The following FYCO1 variants were observed in gnomAD, a reference collection of about 807,000 sequenced individuals.
FYCO1 encodes FYVE and coiled-coil domain autophagy adaptor 1.
FYCO1 carries 122 observed loss-of-function variants against 165.1 expected under a neutral mutation model. The observed-to-expected ratio is 0.74, with a 90% confidence interval of 0.64 to 0.86. The LOEUF (loss-of-function observed/expected upper bound fraction) is 0.86. FYCO1 is among the 40% of genes least tolerant of loss of function. FYCO1 has a pLI of 0.00. For synonymous variants in FYCO1, 648 were observed against 742.5 expected, an observed-to-expected ratio of 0.87 and a Z score of 2.07; for missense variants, 1,702 against 1,810.3, an observed-to-expected ratio of 0.94 and a Z score of 1.09.
At chr3:45,968,946 TC>T (rs1057440594) in intron 7 of FYCO1, among the ~76,000 whole-genome samples, 2 of 152,240 alleles carry the variant, frequency 1.3e-5, no homozygotes, top group African/African-American at 4.8e-5. Flanking sequence ...GACTTGCATT[TC>T]CCATCCAGCC....
intron 16 of FYCO1, among the ~76,000 whole-genome samples, chr3:45,924,929 T>TA (rs113883432): frequency 1.1e-5 from 1 of 87,670 alleles, no homozygotes; most frequent in Non-Finnish European, 2.5e-5. Flanking sequence ...AACCAACATT[T>TA]AAAAAAAATT....
intron 13 of FYCO1, 68 bp downstream of exon 13, chr3:45,958,340 C>A: frequency 1.4e-6 from 2 of 1,421,280 alleles, no homozygotes; most frequent in Non-Finnish European, 2.0e-6. Flanking sequence ...CACTAACTAG[C>A]CACAACATCG....
Position 45,951,099 on chromosome 3 carries a change from G to A in FYCO1, c.3944+4150C>T, listed in dbSNP as rs541386883. ...ACTTAGGGTCATCTGGGTATCTGAA[G>A]GATCTTCTTTGCAGGAGACGACTGG... On this transcript the variant is annotated intron_variant, in intron 14 of 17. Transcript: ENST00000296137. Among the ~76,000 whole-genome samples the A allele has an allele frequency of 2.0e-5, 3 of 152,318 alleles. No homozygotes were observed. The East Asian group carries it at 5.8e-4, about 29-fold the overall frequency.
At chr3:45,989,694 C>T (rs1310501647) in intron 1 of FYCO1, among the ~76,000 whole-genome samples, 1 of 152,210 alleles carries the variant, frequency 6.6e-6, no homozygotes, top group Non-Finnish European at 1.5e-5. Context: ...GCCATGGCTT[C>T]TTCAACCTTC....
chr3:45,995,511 G>T (rs1389834220), intron 1 of FYCO1, among the ~76,000 whole-genome samples: 1 of 152,250 alleles, frequency 6.6e-6, no homozygotes, highest in Non-Finnish European at 1.5e-5. Context: ...AGGCAGGCTG[G>T]GTGCCTGGGC....
At chr3:45,969,297 C>T (rs890636313) in intron 7 of FYCO1, among the ~76,000 whole-genome samples, 7 of 152,298 alleles carry the variant, frequency 4.6e-5, no homozygotes, top group Middle Eastern at 3.4e-3. Flanking sequence ...GAAGTGCATG[C>T]GCACTCCTCA....
chr3:45,939,393 T>C (rs1704084206), intron 14 of FYCO1, among the ~76,000 whole-genome samples: 1 of 152,210 alleles, frequency 6.6e-6, no homozygotes, highest in Non-Finnish European at 1.5e-5. Context: ...CCCCTGGCAC[T>C]GTAGTCCTGG....
chr3:45,965,159 G>A lies in FYCO1; in HGVS notation c.3058-34C>T, dbSNP rs373237588. ...GACAAGAAAGAAAGAGGACATAAAA[G>A]TAGGGTCCTTGCTCTGAGGATCCCT... is the stretch of plus-strand genomic sequence containing the variant. On this transcript the variant is annotated intron_variant, in intron 8 of 17. Coordinates refer to ENST00000296137, the MANE Select transcript of FYCO1 (RefSeq NM_024513.4). 4.5e-6 allele frequency: 7 copies of A among 1,543,612 alleles called. No homozygotes were observed. In the African/African-American group the frequency reaches 9.5e-5, roughly 21 times the overall value.
At chr3:45,965,915 G>A (rs187630009) in intron 8 of FYCO1, among the ~76,000 whole-genome samples, 3 of 152,328 alleles carry the variant, frequency 2.0e-5, no homozygotes, top group South Asian at 2.1e-4. Context: ...GCCACAGGGC[G>A]GGGGCAAGGT....
At chr3:45,977,303 G>C (rs1368981111) in intron 4 of FYCO1, among the ~76,000 whole-genome samples, 1 of 104,906 alleles carries the variant, frequency 9.5e-6, no homozygotes, top group Non-Finnish European at 2.1e-5. Context: ...TTTTTTAATG[G>C]CAAACATTTG....
chr3:45,947,925 T>C (rs1704741324), intron 14 of FYCO1: 1 of 211,506 alleles, frequency 4.7e-6, no homozygotes, highest in South Asian at 1.1e-4. Flanking sequence ...GGGCAAAGAG[T>C]GTAGATCAGA....
Position 45,973,177 on chromosome 3 carries a change from A to G in FYCO1, c.450T>C (p.Ile150=). 1 of 1,614,184 alleles carries G rather than the reference A, an allele frequency of 6.2e-7. No individual in the cohort carries two copies. Among genetic ancestry groups the G allele is most frequent in the Non-Finnish European group, 8.5e-7 (1 of 1,180,036 alleles). The part of the protein sequence containing the change: ...PFLQPKLSSD[I]VGQLYELTEV... The stretch of plus-strand genomic sequence containing the variant: ...CAGTCAGCTCATAGAGTTGGCCCAC[A>G]ATGTCCGAGCTCAGCTTTGGCTGCA... Residue 150 remains isoleucine, a synonymous_variant, in exon 6 of 18, where the codon ATT becomes ATC. Transcript: ENST00000296137.
intron 15 of FYCO1, among the ~76,000 whole-genome samples, chr3:45,934,469 C>T (rs1235633477): frequency 1.3e-5 from 2 of 152,282 alleles, no homozygotes; most frequent in East Asian, 3.9e-4. Flanking sequence ...ACCATGGAGG[C>T]CAGAGGGAAG....
At position 45,966,620 on chromosome 3, in the gene FYCO1, G is replaced by T; in HGVS notation, c.2714C>A (p.Thr905Lys). ...QEQLHRANTD[T>K]AELGIQVCAL... is the part of the protein sequence containing the mutation. Reference sequence around the variant, plus strand: ...GCAAACCTGGATGCCCAGCTCAGCTGTGTCTGTGTTGGCCCGGTGCAGCTG... The same window carrying T: ...GCAAACCTGGATGCCCAGCTCAGCTTTGTCTGTGTTGGCCCGGTGCAGCTG... The change falls in exon 8 of 18, where the codon ACA becomes AAA. Residue 905 changes from threonine to lysine, a missense_variant. Coordinates refer to ENST00000296137, the MANE Select transcript of FYCO1 (RefSeq NM_024513.4). 6.2e-7 allele frequency: 1 copy of T among 1,614,200 alleles called. No homozygotes were observed. The highest frequency in any genetic ancestry group is 8.5e-7 in the Non-Finnish European group (1 of 1,180,044).
At chr3:45,969,823 G>A in intron 6 of FYCO1, 58 bp from the exon 7 acceptor site, 1 of 1,441,780 alleles carries the variant, frequency 6.9e-7, no homozygotes, top group Non-Finnish European at 9.7e-7. Flanking sequence ...AACACATGGA[G>A]GCCTTGCTGG....
intron 15 of FYCO1, among the ~76,000 whole-genome samples, chr3:45,934,060 C>T (rs1377099511): frequency 6.6e-6 from 1 of 151,772 alleles, no homozygotes; most frequent in African/African-American, 2.4e-5. Context: ...GAGAGAAAAA[C>T]AGAAATTCCT....
chr3:45,927,103 G>A (rs768415299), intron 16 of FYCO1, among the ~76,000 whole-genome samples: 3 of 152,186 alleles, frequency 2.0e-5, no homozygotes, highest in Non-Finnish European at 4.4e-5. Context: ...TTTGAATGCA[G>A]CCCAACACAA....
At chr3:45,938,618 C>T (rs13091979) in intron 14 of FYCO1, among the ~76,000 whole-genome samples, 1 of 151,822 alleles carries the variant, frequency 6.6e-6, no homozygotes, top group South Asian at 2.1e-4. Context: ...CTCAGCCTCC[C>T]GAATAGCTGG....
At chr3:45,946,501 A>G in intron 14 of FYCO1, 1 of 1,613,734 alleles carries the variant, frequency 6.2e-7, no homozygotes, top group Non-Finnish European at 8.5e-7. Flanking sequence ...CATGATTACC[A>G]TGAAGACTAT....
Sources: allele counts gnomAD v4.1 joint callset (sites outside exome capture counted in the v4.1 genomes callset), GRCh38; gene constraint gnomAD v4.1.1; transcripts MANE v1.5; gene names NCBI Gene and HGNC (gene_info 2026-07-23, HGNC 2026-07-21).